The following NHSL2 variants were observed in gnomAD, a reference collection of about 807,000 sequenced individuals.
The protein encoded by NHSL2 is NHS like 2.
A neutral mutation model predicts 53.4 loss-of-function variants in NHSL2; 27 were observed. That is an observed-to-expected ratio of 0.51 (90% CI 0.37 to 0.70). The LOEUF (loss-of-function observed/expected upper bound fraction) is 0.70. Ranked by LOEUF, NHSL2 falls within the 30% of genes least tolerant of loss-of-function variation. The pLI, the probability that NHSL2 is intolerant of heterozygous loss-of-function variation, is 0.00. For missense variants in NHSL2, 892 were observed against 980.1 expected (o/e 0.91, Z 1.20); for synonymous variants, 408 against 404.1 (o/e 1.01, Z -0.12).
chrX:71,975,747 C>T (rs987768731), intron 1 of NHSL2, among the ~76,000 whole-genome samples: 2 of 110,813 alleles, frequency 1.8e-5, no homozygotes, highest in Non-Finnish European at 3.8e-5. Flanking sequence ...AAGCAGGTCC[C>T]GGAGGGTCTT....
At chrX:72,106,457 AG>A (rs1479576237) in intron 1 of NHSL2, among the ~76,000 whole-genome samples, 1 of 112,289 alleles carries the variant, frequency 8.9e-6, no homozygotes, top group African/African-American at 3.2e-5. Context: ...TTAAAAAGTC[AG>A]GAAACAACAG....
At chrX:72,122,793 A>G (rs2042191485) in intron 1 of NHSL2, among the ~76,000 whole-genome samples, 1 of 111,746 alleles carries the variant, frequency 8.9e-6, no homozygotes, top group Admixed American at 9.4e-5. Context: ...CACACCTCCA[A>G]CCTTATCTGG....
intron 1 of NHSL2, among the ~76,000 whole-genome samples, chrX:72,112,737 T>G (rs891717098): frequency 8.9e-6 from 1 of 111,787 alleles, no homozygotes; most frequent in Non-Finnish European, 1.9e-5. Flanking sequence ...TTACCCAGGC[T>G]GGAGTGCAGA....
chrX:72,128,627 A>C (rs2042250730), intron 1 of NHSL2: 1 of 112,763 alleles, frequency 8.9e-6, no homozygotes, highest in South Asian at 3.6e-4. Context: ...GCAGCAGGCC[A>C]GGGGTTGGCC....
rs1163069608 is a variant in NHSL2 at position 72,148,334 on chromosome X, T to G, written c.*4760T>G. ...AACTTATTGGAGGTACAACTTTACC[T>G]CCAATAAGCTTACCTTTACAAGCTT... is the stretch of plus-strand genomic sequence containing the variant. On this transcript the variant is annotated 3_prime_UTR_variant, in exon 8 of 8. Coordinates refer to ENST00000633930, the MANE Select transcript of NHSL2 (RefSeq NM_001013627.3). 9.0e-6 allele frequency: 1 copy of G among 111,517 alleles called. No homozygotes were observed. 9.2% of individuals were successfully genotyped at this position (111,517 alleles called of 1,213,427 possible). A position where few individuals can be genotyped will look rare whatever the true frequency, so the allele number is the denominator to read the frequency against.
chrX:71,971,907 G>A (rs868457173), intron 1 of NHSL2, among the ~76,000 whole-genome samples: 1 of 111,373 alleles, frequency 9.0e-6, no homozygotes. Flanking sequence ...GCAACAGAGC[G>A]AGCCCCCATC....
chrX:71,935,231 A>C (rs1294377885), intron 1 of NHSL2, among the ~76,000 whole-genome samples: 2 of 112,201 alleles, frequency 1.8e-5, no homozygotes, highest in Non-Finnish European at 3.8e-5. Context: ...TAAAAACAAC[A>C]ACCATGGCTG....
Position 71,911,148 on chromosome X carries a change from C to G in NHSL2, c.61C>G (p.Gln21Glu). ...CCTGTGCCCGCGCAACCCGCCGCAG[C>G]AGCTGGCGGAGCTCCGCGACGTGAG... ...QRLCPRNPPQQLAELRDVSHL... is the reference protein window; with the variant it reads ...QRLCPRNPPQELAELRDVSHL... The change falls in exon 1 of 8, where the codon CAG (glutamine) becomes GAG (glutamate). Residue 21 changes from glutamine (Q) to glutamate (E), a missense_variant. Physicochemically the swap from Gln to Glu is conservative, Grantham distance 29. Transcript: ENST00000633930. 8.9e-7 allele frequency: 1 copy of G among 1,122,543 alleles called. No individual in the cohort carries two copies. Among genetic ancestry groups the G allele is most frequent in the Non-Finnish European group, 1.2e-6 (1 of 855,414 alleles). 92.5% of individuals were successfully genotyped at this position (1,122,543 alleles called of 1,213,427 possible).
chrX:72,044,396 G>T, intron 1 of NHSL2: 1 of 410,586 alleles, frequency 2.4e-6, no homozygotes, highest in Non-Finnish European at 4.2e-6. Context: ...TCCTAAACAA[G>T]AACTTACAAC....
chrX:72,011,364 TA>T (rs940181366), intron 1 of NHSL2, among the ~76,000 whole-genome samples: 4 of 112,301 alleles, frequency 3.6e-5, no homozygotes, highest in Admixed American at 2.8e-4. Context: ...ATGTTTAGTT[TA>T]AAAAACAAAA....
At chrX:72,038,205 T>G in intron 1 of NHSL2, among the ~76,000 whole-genome samples, 1 of 111,462 alleles carries the variant, frequency 9.0e-6, no homozygotes, top group Non-Finnish European at 1.9e-5. Flanking sequence ...TGTGTAAAGG[T>G]TTAAATGAGC....
chrX:71,994,298 C>CTGTGTGTGTGTGTGTGTGTG (rs10673341), intron 1 of NHSL2, among the ~76,000 whole-genome samples: 994 of 90,061 alleles, frequency 0.011, 24 homozygotes, highest in African/African-American at 0.039. Context: ...GAGGCTCCCT[C>CTGTGTGTGTGTGTGTGTGTG]TGTGTGTGTG....
At chrX:71,973,430 G>A (rs1041670740) in intron 1 of NHSL2, among the ~76,000 whole-genome samples, 1 of 111,768 alleles carries the variant, frequency 8.9e-6, no homozygotes, top group African/African-American at 3.3e-5. Flanking sequence ...CATTGTTTTC[G>A]ACAGTGCCCT....
intron 1 of NHSL2, among the ~76,000 whole-genome samples, chrX:71,924,206 A>G (rs1436019407): frequency 8.9e-6 from 1 of 111,779 alleles, no homozygotes; most frequent in Non-Finnish European, 1.9e-5. Context: ...ACCCTTTCAC[A>G]TAGGGTCCAA....
At chrX:71,981,536 C>CTAA (rs2041978966) in intron 1 of NHSL2, among the ~76,000 whole-genome samples, 1 of 66,643 alleles carries the variant, frequency 1.5e-5, no homozygotes, top group Non-Finnish European at 2.6e-5. Context: ...GACTCTGTCT[C>CTAA]AAAAAAAAAA....
intron 1 of NHSL2, among the ~76,000 whole-genome samples, chrX:72,093,573 G>C (rs1206521372): frequency 1.8e-5 from 2 of 112,295 alleles, no homozygotes; most frequent in Non-Finnish European, 3.8e-5. Context: ...TATAGGGTGG[G>C]TGACCCACAG....
At chrX:71,976,710 C>T (rs756176026) in intron 1 of NHSL2, among the ~76,000 whole-genome samples, 69 of 112,378 alleles carry the variant, frequency 6.1e-4, no homozygotes, top group South Asian at 4.1e-3. Context: ...CCCAAGGCCT[C>T]CCGACCTGGA....
intron 1 of NHSL2, among the ~76,000 whole-genome samples, chrX:72,115,439 G>GGT (rs1556364953): frequency 2.3e-5 from 2 of 85,421 alleles, no homozygotes; most frequent in East Asian, 5.3e-4. Flanking sequence ...GGCGGGGGGG[G>GGT]GGTGCGGGGG....
intron 1 of NHSL2, among the ~76,000 whole-genome samples, chrX:72,046,941 AGACT>A (rs1479442041): frequency 8.9e-6 from 1 of 111,788 alleles, no homozygotes; most frequent in Non-Finnish European, 1.9e-5. Context: ...GCAGATGGAA[AGACT>A]GAGATTCAGA....
Sources: allele counts gnomAD v4.1 joint callset (sites outside exome capture counted in the v4.1 genomes callset), GRCh38; gene constraint gnomAD v4.1.1; transcripts MANE v1.5; gene names NCBI Gene and HGNC (gene_info 2026-07-23, HGNC 2026-07-21).